The following RYR2 variants were observed in gnomAD, a reference collection of about 807,000 sequenced individuals.
The protein encoded by RYR2 is cardiac muscle ryanodine receptor-calcium release channel.
RYR2 carries 227 observed loss-of-function variants against 601.1 expected under a neutral mutation model. The observed-to-expected ratio is 0.38, with a 90% CI of 0.34 to 0.42. The LOEUF (loss-of-function observed/expected upper bound fraction) is 0.42, where lower values mean the gene tolerates loss of function less well. Ranked by LOEUF, RYR2 falls within the 10% of genes least tolerant of loss-of-function variation. RYR2 has a pLI of 1.00. For missense variants in RYR2, 4,646 were observed against 6,156.5 expected (o/e 0.75, Z 8.21); for synonymous variants, 2,223 against 2,175.1 (o/e 1.02, Z -0.61).
At chr1:237,757,022 A>G (rs1693015659) in intron 81 of RYR2, among the ~76,000 whole-genome samples, 2 of 152,264 alleles carry the variant, frequency 1.3e-5, no homozygotes, top group African/African-American at 4.8e-5. Context: ...CATTCATAAT[A>G]GCTTCTTTGT....
intron 10 of RYR2, among the ~76,000 whole-genome samples, chr1:237,413,442 A>G (rs1206238784): frequency 6.6e-6 from 1 of 152,188 alleles, no homozygotes; most frequent in Non-Finnish European, 1.5e-5. Context: ...AAAGTTGTCA[A>G]AGTAAACCAT....
chr1:237,472,717 A>C (rs2150319834), intron 17 of RYR2, among the ~76,000 whole-genome samples: 1 of 152,162 alleles, frequency 6.6e-6, no homozygotes, highest in South Asian at 2.1e-4. Flanking sequence ...AGTAGAAAGA[A>C]ATAAATGAAA....
At chr1:237,823,312 G>T (rs1662725048) in intron 101 of RYR2, among the ~76,000 whole-genome samples, 1 of 151,984 alleles carries the variant, frequency 6.6e-6, no homozygotes, top group African/African-American at 2.4e-5. Context: ...GCAAAAGAAT[G>T]GAAATCATAA....
At chr1:237,593,353 G>C in intron 32 of RYR2, 123 bp from the exon 33 acceptor site, 1 of 871,770 alleles carries the variant, frequency 1.1e-6, no homozygotes. Context: ...TCACCCAAAC[G>C]GTTTTAAACC....
At chr1:237,501,429 A>G (rs1345024871) in intron 21 of RYR2, among the ~76,000 whole-genome samples, 1 of 151,654 alleles carries the variant, frequency 6.6e-6, no homozygotes, top group Admixed American at 6.6e-5. Context: ...TGGTGCCAAG[A>G]TGGTTTCCTC....
At position 237,638,415 on chromosome 1, in the gene RYR2, G is replaced by A. The variant is rs2148724035; in HGVS notation, c.6851G>A (p.Gly2284Asp). ...AGTTGCCAGATGCTGGTGTCTAAGG[G>A]CTATCCAGACATTGGGTGGAACCCA... ...LQSCQMLVSK[G>D]YPDIGWNPVE... Residue 2284 changes from glycine to aspartate, a missense_variant, in exon 45 of 105, where the codon GGC (glycine) becomes GAC (aspartate). Gly to Asp is a moderately conservative substitution (Grantham distance 94). This residue lies in a region of RYR2 where 137 missense variants were observed against 273.6 expected (regional missense o/e 0.50). Transcript: ENST00000366574. 1 of 1,613,972 alleles carries A rather than the reference G, an allele frequency of 6.2e-7. No individual in the cohort carries two copies. Among genetic ancestry groups the A allele is most frequent in the South Asian group, 1.1e-5 (1 of 91,092 alleles).
intron 29 of RYR2, among the ~76,000 whole-genome samples, chr1:237,580,141 A>T (rs1368725380): frequency 6.8e-6 from 1 of 146,944 alleles, no homozygotes; most frequent in Admixed American, 7.0e-5. Flanking sequence ...GAGCCACGTG[A>T]AATCACAACA....
chr1:237,283,989 C>A (rs1691170193), intron 2 of RYR2, among the ~76,000 whole-genome samples: 1 of 152,180 alleles, frequency 6.6e-6, no homozygotes, highest in African/African-American at 2.4e-5. Flanking sequence ...AAAGTCATAT[C>A]ATTCTTATGC....
intron 29 of RYR2, 69 bp from the exon 30 acceptor site, chr1:237,589,724 T>C: frequency 3.4e-6 from 5 of 1,473,010 alleles, no homozygotes; most frequent in Non-Finnish European, 4.7e-6. Context: ...GAACAATATG[T>C]TTGATAATTC....
chr1:237,425,947 A>G (rs1035752083), intron 12 of RYR2, among the ~76,000 whole-genome samples: 2 of 152,094 alleles, frequency 1.3e-5, no homozygotes, highest in South Asian at 2.1e-4. Context: ...TGACAGATTC[A>G]TACTATCCCA....
chr1:237,547,118 G>T (rs1669909374), intron 25 of RYR2, among the ~76,000 whole-genome samples: 1 of 151,394 alleles, frequency 6.6e-6, no homozygotes, highest in Admixed American at 6.6e-5. Context: ...CGATTCTCCT[G>T]CCTCAGTCTC....
chr1:237,441,628 ACT>A, intron 13 of RYR2, 145 bp downstream of exon 13: 1 of 629,458 alleles, frequency 1.6e-6, no homozygotes, highest in East Asian at 2.9e-5. Context: ...ACTGTAATAG[ACT>A]CTTTAGCTTT....
chr1:237,388,224 T>C, intron 10 of RYR2, 41 bp downstream of exon 10: 1 of 1,536,878 alleles, frequency 6.5e-7, no homozygotes, highest in Non-Finnish European at 9.0e-7. Context: ...TGCACTCTTT[T>C]GCCTTGATGT....
At chr1:237,056,677 A>C (rs1662157294) in intron 1 of RYR2, among the ~76,000 whole-genome samples, 2 of 103,108 alleles carry the variant, frequency 1.9e-5, no homozygotes, top group African/African-American at 7.4e-5. Context: ...CTGCATTGTG[A>C]GGACTGGAGC....
intron 8 of RYR2, among the ~76,000 whole-genome samples, chr1:237,383,643 A>C (rs1452941842): frequency 1.3e-5 from 2 of 151,664 alleles, no homozygotes; most frequent in East Asian, 1.9e-4. Flanking sequence ...GTTGGCCAGG[A>C]TGGTCTCGAT....
At chr1:237,411,532 A>G (rs1463001135) in intron 10 of RYR2, among the ~76,000 whole-genome samples, 1 of 152,176 alleles carries the variant, frequency 6.6e-6, no homozygotes, top group Admixed American at 6.5e-5. Flanking sequence ...GATTGAATAT[A>G]AATTATGACC....
At chr1:237,731,734 T>C (rs551435405) in intron 77 of RYR2, among the ~76,000 whole-genome samples, 5 of 152,288 alleles carry the variant, frequency 3.3e-5, no homozygotes, top group Non-Finnish European at 7.4e-5. Flanking sequence ...AATTTTACAA[T>C]GGTAATGTAA....
chr1:237,626,986 G>A (rs971574201), intron 40 of RYR2, among the ~76,000 whole-genome samples: 1 of 152,070 alleles, frequency 6.6e-6, no homozygotes, highest in African/African-American at 2.4e-5. Flanking sequence ...CATTTTATTT[G>A]CATTTTGTAT....
At chr1:237,049,525 G>C (rs1660992135) in intron 1 of RYR2, among the ~76,000 whole-genome samples, 1 of 152,052 alleles carries the variant, frequency 6.6e-6, no homozygotes, top group Admixed American at 6.5e-5. Context: ...GTAGTCTTAG[G>C]GTCAACCAGA....
Sources: allele counts gnomAD v4.1 joint callset (sites outside exome capture counted in the v4.1 genomes callset), GRCh38; gene constraint gnomAD v4.1.1; regional missense constraint gnomAD v4.1.1; transcripts MANE v1.5; gene names NCBI Gene and HGNC (gene_info 2026-07-23, HGNC 2026-07-21).